USP32: variants seen among roughly 807,000 people sequenced by gnomAD.
USP32 encodes the protein ubiquitin carboxyl-terminal hydrolase 32.
A neutral mutation model predicts 204.8 loss-of-function variants in USP32; 59 were observed. The observed-to-expected ratio is 0.29, with a 90% CI of 0.23 to 0.36. USP32 has a LOEUF of 0.36. Among genes scored for constraint, USP32 ranks in the 10% least tolerant of loss-of-function variants. The probability of loss-of-function intolerance (pLI) is 1.00; values close to 1 mark genes in which losing one functional copy is unlikely to be tolerated. For synonymous variants in USP32, 517 were observed against 678.4 expected (o/e 0.76, Z 3.70); for missense variants, 1,160 against 1,946.4 (o/e 0.60, Z 7.60).
At chr17:60,411,216 T>C (rs574788790) in intron 1 of USP32, among the ~76,000 whole-genome samples, 1 of 151,710 alleles carries the variant, frequency 6.6e-6, no homozygotes, top group African/African-American at 2.4e-5. Flanking sequence ...TCCCAGCTAT[T>C]TGGGGGCTGA....
At chr17:60,340,497 C>CT (rs954258310) in intron 2 of USP32, among the ~76,000 whole-genome samples, 1 of 152,176 alleles carries the variant, frequency 6.6e-6, no homozygotes, top group South Asian at 2.1e-4. Context: ...ACAACCCCTG[C>CT]TTTTTTTGGC....
At chr17:60,249,675 A>G (rs1292420492) in intron 11 of USP32, 2 of 694,972 alleles carry the variant, frequency 2.9e-6, no homozygotes, top group Admixed American at 2.1e-5. Flanking sequence ...ACACACTTCC[A>G]TTGTTCTCAC....
chr17:60,305,529 T>C (rs1208334184), intron 2 of USP32, among the ~76,000 whole-genome samples: 1 of 152,210 alleles, frequency 6.6e-6, no homozygotes, highest in East Asian at 1.9e-4. Flanking sequence ...ATATCCAAAC[T>C]ATATCAATTA....
intron 5 of USP32, among the ~76,000 whole-genome samples, chr17:60,274,783 TTAAG>T (rs1234816809): frequency 1.3e-5 from 2 of 152,150 alleles, no homozygotes; most frequent in Non-Finnish European, 2.9e-5. Context: ...GGAAGACCAG[TTAAG>T]TATCTATGTA....
At chr17:60,410,776 A>G (rs1308372953) in intron 1 of USP32, among the ~76,000 whole-genome samples, 1 of 151,630 alleles carries the variant, frequency 6.6e-6, no homozygotes, top group Non-Finnish European at 1.5e-5. Context: ...AGCACATAAC[A>G]TAGGTTAGAA....
At chr17:60,194,643 T>A (rs1202494417) in intron 27 of USP32, among the ~76,000 whole-genome samples, 38 of 152,238 alleles carry the variant, frequency 2.5e-4, no homozygotes, top group Non-Finnish European at 1.2e-4. Context: ...CTTGGTCTTC[T>A]CTTTTCCAAC....
intron 28 of USP32, among the ~76,000 whole-genome samples, chr17:60,191,137 C>T (rs1190191420): frequency 2.0e-5 from 3 of 152,106 alleles, no homozygotes; most frequent in African/African-American, 4.8e-5. Flanking sequence ...CATGGTGGCT[C>T]ATGCCTGTAA....
At chr17:60,254,485 G>T (rs1237087178) in intron 10 of USP32, among the ~76,000 whole-genome samples, 1 of 152,154 alleles carries the variant, frequency 6.6e-6, no homozygotes, top group African/African-American at 2.4e-5. Context: ...AGAACTACTT[G>T]AGCCTAGGAG....
chr17:60,212,160 C>A, intron 18 of USP32, 62 bp from the exon 19 acceptor site: 1 of 1,113,182 alleles, frequency 9.0e-7, no homozygotes, highest in Non-Finnish European at 1.2e-6. Context: ...CATTCGATTG[C>A]TTTTTTTTTT....
intron 4 of USP32, among the ~76,000 whole-genome samples, chr17:60,292,994 C>T (rs923798942): frequency 1.3e-5 from 2 of 152,090 alleles, no homozygotes; most frequent in African/African-American, 4.8e-5. Context: ...AAGGCCTTTG[C>T]TATATTCTCT....
chr17:60,272,015 A>G (rs1212268759), intron 5 of USP32, among the ~76,000 whole-genome samples: 1 of 152,080 alleles, frequency 6.6e-6, no homozygotes, highest in Non-Finnish European at 1.5e-5. Context: ...GGGTCTCGCT[A>G]TGTTGGTCAG....
intron 1 of USP32, among the ~76,000 whole-genome samples, chr17:60,398,487 G>T (rs2089914346): frequency 6.6e-6 from 1 of 152,134 alleles, no homozygotes; most frequent in Admixed American, 6.5e-5. Context: ...TCAAATCTGG[G>T]TTTCTTAGAA....
At chr17:60,278,335 G>A (rs1350927505) in intron 5 of USP32, among the ~76,000 whole-genome samples, 3 of 151,864 alleles carry the variant, frequency 2.0e-5, no homozygotes, top group Non-Finnish European at 4.4e-5. Flanking sequence ...GATGAGAAGT[G>A]AAAACTGATC....
intron 5 of USP32, among the ~76,000 whole-genome samples, chr17:60,276,966 T>TATATATATATATATAA (rs60544670): frequency 1.2e-3 from 177 of 149,862 alleles, no homozygotes; most frequent in African/African-American, 4.1e-3. Context: ...TATATATATA[T>TATATATATATATATAA]AAAATTACCA....
At chr17:60,244,594 T>C (rs1443061155) in intron 11 of USP32, among the ~76,000 whole-genome samples, 2 of 152,202 alleles carry the variant, frequency 1.3e-5, no homozygotes, top group African/African-American at 4.8e-5. Context: ...GTTGTAGGGT[T>C]TACAATATGG....
intron 13 of USP32, among the ~76,000 whole-genome samples, chr17:60,223,963 GAT>G (rs2085321475): frequency 6.6e-6 from 1 of 152,160 alleles, no homozygotes; most frequent in African/African-American, 2.4e-5. Flanking sequence ...GTTCTTGGTA[GAT>G]AATGGTGATA....
intron 11 of USP32, among the ~76,000 whole-genome samples, chr17:60,242,595 G>A (rs1164882661): frequency 6.6e-6 from 1 of 152,094 alleles, no homozygotes; most frequent in Non-Finnish European, 1.5e-5. Flanking sequence ...GTTTTTAGTA[G>A]AGATAGGGTT....
In USP32 at chr17:60,192,935, A is replaced by C; in HGVS notation, c.3435-5T>G. The stretch of plus-strand genomic sequence containing the variant: ...TGATAGCCCATACTGTCGTCACTGA[A>C]ACAGAAGAGAACAAAAAGAGTGTAA... On this transcript the variant is annotated splice_region_variant and splice_polypyrimidine_tract_variant and intron_variant, in intron 27 of 33. Transcript: ENST00000300896. The C allele has an allele frequency of 1.2e-6, 2 of 1,613,320 alleles. No individual in the cohort carries two copies. The highest frequency in any genetic ancestry group is 1.7e-6 in the Non-Finnish European group (2 of 1,179,338).
chr17:60,396,213 G>A (rs2089899772), upstream of USP32, among the ~76,000 whole-genome samples: 1 of 151,810 alleles, frequency 6.6e-6, no homozygotes, highest in East Asian at 1.9e-4. Flanking sequence ...AAGTAGCTGG[G>A]ACTACAGGCA....
Sources: allele counts gnomAD v4.1 joint callset (sites outside exome capture counted in the v4.1 genomes callset), GRCh38; gene constraint gnomAD v4.1.1; transcripts MANE v1.5; gene names NCBI Gene and HGNC (gene_info 2026-07-23, HGNC 2026-07-21).